NOP58: variants seen among roughly 807,000 people sequenced by gnomAD.
The protein encoded by NOP58 is NOP58 ribonucleoprotein, also known as nucleolar protein 58.
In NOP58, 44 loss-of-function variants were observed where a neutral mutation model predicts 71.2. The ratio of observed to expected loss-of-function variants is 0.62; its 90% CI spans 0.49 to 0.79. NOP58 has a LOEUF of 0.79. Ranked by LOEUF, NOP58 falls within the 30% of genes least tolerant of loss-of-function variation. The pLI is 0.00. For synonymous variants in NOP58, 228 were observed against 200.3 expected, an observed-to-expected ratio of 1.14 and a Z score of -1.17; for missense variants, 538 against 620.2, an observed-to-expected ratio of 0.87 and a Z score of 1.41.
At chr2:202,302,682 T>G (rs1164668144) in intron 13 of NOP58, among the ~76,000 whole-genome samples, 1 of 152,202 alleles carries the variant, frequency 6.6e-6, no homozygotes, top group Non-Finnish European at 1.5e-5. Context: ...GACCTTTGTT[T>G]TAATCCTGAT....
At chr2:202,275,911 C>T (rs1254339257) in intron 2 of NOP58, among the ~76,000 whole-genome samples, 4 of 152,150 alleles carry the variant, frequency 2.6e-5, no homozygotes, top group South Asian at 2.1e-4. Flanking sequence ...TCAGGCGATC[C>T]GCCTGCCTCG....
chr2:202,299,521 A>G (rs1689054364), intron 12 of NOP58, among the ~76,000 whole-genome samples: 1 of 152,148 alleles, frequency 6.6e-6, no homozygotes, highest in Non-Finnish European at 1.5e-5. Context: ...TAAATTATAA[A>G]TGTCTTTAAC....
intron 9 of NOP58, 156 bp downstream of exon 9, chr2:202,293,059 T>G: frequency 1.2e-6 from 1 of 828,408 alleles, no homozygotes; most frequent in South Asian, 1.3e-5. Flanking sequence ...AAGTGTTCAA[T>G]GATGATTTCT....
At chr2:202,267,590 G>C (rs531354588) in intron 1 of NOP58, among the ~76,000 whole-genome samples, 11 of 152,252 alleles carry the variant, frequency 7.2e-5, no homozygotes, top group Non-Finnish European at 1.3e-4. Flanking sequence ...TTACCATGTA[G>C]AGTTCTGCAT....
At chr2:202,295,631 A>G in intron 9 of NOP58, 43 bp from the exon 10 acceptor site, 4 of 1,441,192 alleles carry the variant, frequency 2.8e-6, no homozygotes, top group East Asian at 2.3e-5. Context: ...TGGAACATTC[A>G]TATATTTGGA....
intron 4 of NOP58, among the ~76,000 whole-genome samples, chr2:202,282,812 A>C (rs1688727333): frequency 6.6e-6 from 1 of 152,192 alleles, no homozygotes; most frequent in Non-Finnish European, 1.5e-5. Context: ...ATTTTTTAGA[A>C]ATATATTTAT....
chr2:202,290,215 C>T (rs989314338), intron 6 of NOP58, 108 bp from the exon 7 acceptor site: 5 of 833,750 alleles, frequency 6.0e-6, no homozygotes, highest in Non-Finnish European at 7.3e-6. Flanking sequence ...GCTGGGATTA[C>T]AGACATGAGC....
chr2:202,291,081 T>G, intron 7 of NOP58, 44 bp from the exon 8 acceptor site: 1 of 1,491,108 alleles, frequency 6.7e-7, no homozygotes, highest in African/African-American at 1.4e-5. Flanking sequence ...TTATATAATT[T>G]GTTGAAGAGT....
At chr2:202,283,709 G>A (rs1688745161) in intron 4 of NOP58, among the ~76,000 whole-genome samples, 1 of 151,984 alleles carries the variant, frequency 6.6e-6, no homozygotes, top group Admixed American at 6.6e-5. Context: ...AAAGTGCTGG[G>A]ATTACAGGCG....
intron 13 of NOP58, among the ~76,000 whole-genome samples, chr2:202,302,113 A>C (rs1370686783): frequency 8.8e-6 from 1 of 113,336 alleles, no homozygotes; most frequent in African/African-American, 3.5e-5. Flanking sequence ...TTTGAGACAG[A>C]GTCTCCCTCT....
intron 1 of NOP58, among the ~76,000 whole-genome samples, chr2:202,274,698 G>A (rs946174339): frequency 1.3e-5 from 2 of 151,972 alleles, no homozygotes; most frequent in African/African-American, 4.8e-5. Flanking sequence ...GGAGGTGAAG[G>A]TTGCAGTGAG....
intron 3 of NOP58, among the ~76,000 whole-genome samples, chr2:202,280,648 A>G (rs1413586395): frequency 6.6e-6 from 1 of 151,114 alleles, no homozygotes; most frequent in East Asian, 1.9e-4. Context: ...TTTTTTTTTT[A>G]AATAAAGAAA....
chr2:202,284,582 A>G lies in NOP58; in HGVS notation c.434+101A>G, dbSNP rs955351425. On this transcript the variant is annotated intron_variant, in intron 5 of 14. Transcript: ENST00000264279. ...TACAAATGCTCATTTGAACCACATC[A>G]GAACCTTATGAAGAAGATGATAGTA... is the stretch of plus-strand genomic sequence containing the variant. The G allele has an allele frequency of 1.1e-5, 13 of 1,234,300 alleles. No homozygotes were observed. The African/African-American group carries it at 1.7e-4, about 16-fold the overall frequency. The allele number at this position is 1,234,300 out of a possible 1,614,324, so 76.5% of individuals were successfully genotyped here.
intron 3 of NOP58, among the ~76,000 whole-genome samples, chr2:202,279,572 CG>C (rs1312302480): frequency 6.6e-6 from 1 of 152,150 alleles, no homozygotes; most frequent in Non-Finnish European, 1.5e-5. Context: ...CCAAGACAGG[CG>C]GATCACCTGA....
At chr2:202,295,015 A>C (rs1167778307) in intron 9 of NOP58, among the ~76,000 whole-genome samples, 2 of 152,048 alleles carry the variant, frequency 1.3e-5, no homozygotes, top group Non-Finnish European at 2.9e-5. Flanking sequence ...TGGTTACTTG[A>C]ATATAAGCAC....
intron 5 of NOP58, among the ~76,000 whole-genome samples, chr2:202,285,418 G>C (rs1040020966): frequency 7.1e-6 from 1 of 140,840 alleles, no homozygotes. Context: ...GTGCGATCTT[G>C]GCTCACTGCA....
chr2:202,278,046 T>A, intron 3 of NOP58, 44 bp downstream of exon 3: 1 of 1,184,770 alleles, frequency 8.4e-7, no homozygotes, highest in Non-Finnish European at 1.3e-6. Context: ...AAAAATTAAG[T>A]CTTAGCCGTT....
chr2:202,280,087 G>A (rs1426716271), intron 3 of NOP58, among the ~76,000 whole-genome samples: 3 of 152,156 alleles, frequency 2.0e-5, no homozygotes, highest in Non-Finnish European at 4.4e-5. Flanking sequence ...AATTAAGAAA[G>A]CAGAATCCTT....
At chr2:202,292,947 T>C (rs752004454) in intron 9 of NOP58, 44 bp downstream of exon 9, 1 of 1,608,560 alleles carries the variant, frequency 6.2e-7, no homozygotes, top group Non-Finnish European at 8.5e-7. Context: ...GTTTGAAGTA[T>C]TTTCTGGTTA....
Sources: gnomAD v4.1 joint callset for allele counts (sites outside exome capture counted in the v4.1 genomes callset) on GRCh38, gnomAD v4.1.1 for gene constraint, MANE v1.5 for transcripts, NCBI Gene and HGNC (gene_info 2026-07-23, HGNC 2026-07-21) for gene names.